CSMD2: variants seen among roughly 807,000 people sequenced by gnomAD.
CSMD2 encodes the protein CUB and Sushi multiple domains 2.
CSMD2 carries 130 observed loss-of-function variants against 398.5 expected under a neutral mutation model. The ratio of observed to expected loss-of-function variants is 0.33; its 90% CI spans 0.28 to 0.38. The LOEUF (loss-of-function observed/expected upper bound fraction) is 0.38, where lower values mean the gene tolerates loss of function less well. Ranked by LOEUF, CSMD2 falls within the 10% of genes least tolerant of loss-of-function variation. CSMD2 has a pLI of 1.00. For missense variants in CSMD2, 3,829 were observed against 4,764.9 expected (o/e 0.80, Z 5.78); for synonymous variants, 1,828 against 1,908.5 (o/e 0.96, Z 1.10).
At chr1:33,563,277 G>T (rs1466173362) in intron 53 of CSMD2, among the ~76,000 whole-genome samples, 1 of 152,058 alleles carries the variant, frequency 6.6e-6, no homozygotes, top group Non-Finnish European at 1.5e-5. Flanking sequence ...AAGGTCCATG[G>T]TAACATAGGA....
At chr1:34,088,839 A>G (rs1658221216) in intron 2 of CSMD2, 138 bp downstream of exon 2, 1 of 707,244 alleles carries the variant, frequency 1.4e-6, no homozygotes, top group Non-Finnish European at 2.5e-6. Flanking sequence ...GGAAAACCAG[A>G]GGGGTTGAGG....
rs201184871 is a variant in CSMD2 at position 33,698,526 on chromosome 1, G to C, written c.3925+227C>G. ...TCCCACTTGCTAAATGTGCGACAAAGGCAAGCCACCCGCCTGACTGCACTG... is the reference window on the plus strand; with the variant it reads ...TCCCACTTGCTAAATGTGCGACAAACGCAAGCCACCCGCCTGACTGCACTG... On this transcript the variant is annotated intron_variant, in intron 24 of 70. Transcript: ENST00000373381. 3.2e-4 allele frequency among the ~76,000 whole-genome samples: 49 copies of C among 152,322 alleles called. No individual in the cohort carries two copies. The East Asian group carries it at 4.6e-3, about 14-fold the overall frequency.
intron 13 of CSMD2, among the ~76,000 whole-genome samples, chr1:33,746,580 A>C (rs1647415963): frequency 6.6e-6 from 1 of 152,168 alleles, no homozygotes; most frequent in South Asian, 2.1e-4. Flanking sequence ...GCTATATATG[A>C]TAGCTCTGCT....
At chr1:33,654,437 A>G (rs572910238) in intron 27 of CSMD2, among the ~76,000 whole-genome samples, 71 of 152,186 alleles carry the variant, frequency 4.7e-4, no homozygotes, top group African/African-American at 1.6e-3. Flanking sequence ...TAGCCAGAGT[A>G]GAGGAGGCGT....
intron 5 of CSMD2, among the ~76,000 whole-genome samples, chr1:33,912,446 A>T (rs2125267936): frequency 6.7e-6 from 1 of 149,412 alleles, no homozygotes; most frequent in South Asian, 2.2e-4. Flanking sequence ...TGGCACTTCC[A>T]CTGGCCCCCA....
chr1:33,668,735 C>T (rs1205813112), intron 25 of CSMD2, among the ~76,000 whole-genome samples: 1 of 152,176 alleles, frequency 6.6e-6, no homozygotes, highest in African/African-American at 2.4e-5. Context: ...AAAGATCTTC[C>T]TTCCTATTGA....
chr1:34,164,743 T>G lies in CSMD2; in HGVS notation c.187+168A>C, dbSNP rs1641711669. Among the ~76,000 whole-genome samples the G allele has an allele frequency of 8.2e-6, 1 of 121,320 alleles. No individual in the cohort carries two copies. The allele number at this position is 121,320 out of a possible 152,430, so 79.6% of individuals were successfully genotyped here. A position where few individuals can be genotyped will look rare whatever the true frequency, so the allele number is the denominator to read the frequency against. ...GGTGAGGACGTGGCTGAGGGTGGGGTGGGAGACGGAGGCAGGGATGAGAAT... is the reference window on the plus strand; with the variant it reads ...GGTGAGGACGTGGCTGAGGGTGGGGGGGGAGACGGAGGCAGGGATGAGAAT... On this transcript the variant is annotated intron_variant, in intron 1 of 70. Transcript: ENST00000373381. This position sits in a 1 kb window ranked among gnomAD's most constrained non-coding sequence, Gnocchi z 6.2.
intron 2 of CSMD2, among the ~76,000 whole-genome samples, chr1:34,038,994 A>AC (rs959046933): frequency 6.6e-6 from 1 of 151,826 alleles, no homozygotes; most frequent in Non-Finnish European, 1.5e-5. Context: ...ACACTTTCTA[A>AC]CCCTTGGGAT....
intron 1 of CSMD2, among the ~76,000 whole-genome samples, chr1:34,104,609 G>A (rs562076107): frequency 1.1e-4 from 16 of 152,212 alleles, no homozygotes; most frequent in African/African-American, 2.7e-4. Flanking sequence ...GAAACACAGC[G>A]GGGAGCTGCA....
intron 3 of CSMD2, among the ~76,000 whole-genome samples, chr1:33,964,891 A>G (rs1175354894): frequency 6.6e-6 from 1 of 152,248 alleles, no homozygotes; most frequent in African/African-American, 2.4e-5. Flanking sequence ...GTCCTCGTTT[A>G]TGAAATGGTA....
At chr1:34,025,377 T>C (rs1296081443) in intron 3 of CSMD2, among the ~76,000 whole-genome samples, 1 of 152,106 alleles carries the variant, frequency 6.6e-6, no homozygotes, top group Non-Finnish European at 1.5e-5. Flanking sequence ...AAAATGAAGC[T>C]TGGATGAAAG....
At chr1:33,699,315 A>C (rs1645528752) in intron 23 of CSMD2, among the ~76,000 whole-genome samples, 1 of 152,248 alleles carries the variant, frequency 6.6e-6, no homozygotes, top group Admixed American at 6.5e-5. Flanking sequence ...ATGTATGTTT[A>C]AAAGCTGAGT....
intron 2 of CSMD2, among the ~76,000 whole-genome samples, chr1:34,041,143 C>A (rs1037315493): frequency 1.3e-5 from 2 of 151,964 alleles, no homozygotes; most frequent in Non-Finnish European, 2.9e-5. Flanking sequence ...ATAAATGGGC[C>A]ATTTATTTAT....
intron 10 of CSMD2, among the ~76,000 whole-genome samples, chr1:33,796,562 G>A (rs1654972259): frequency 6.6e-6 from 1 of 151,990 alleles, no homozygotes; most frequent in African/African-American, 2.4e-5. Flanking sequence ...TGTTATCTTT[G>A]TAAGCTGAGA....
rs1641982733 is a variant in CSMD2 at position 33,624,608 on chromosome 1, T to C, written c.5536A>G (p.Thr1846Ala). Residue 1846 changes from threonine to alanine, a missense_variant, in exon 35 of 71, where the codon ACC becomes GCC. Coordinates refer to ENST00000373381, the MANE Select transcript of CSMD2 (RefSeq NM_001281956.2). The surrounding 1 kb of genome is among the most constrained non-coding windows in gnomAD (Gnocchi z 4.7). The stretch of plus-strand genomic sequence containing the variant: ...TCTGGGAAGCCAGGGGACAGGATGG[T>C]GCCCCTGCGCTCTGTGAGGTTGCCT... ...CGGNLTERRG[T>A]ILSPGFPEPY... The C allele has an allele frequency of 1.2e-6, 2 of 1,613,768 alleles. No individual in the cohort carries two copies. Among genetic ancestry groups the C allele is most frequent in the African/African-American group, 1.3e-5 (1 of 74,920 alleles).
chr1:33,999,384 A>T (rs377497880), intron 3 of CSMD2, among the ~76,000 whole-genome samples: 51 of 151,740 alleles, frequency 3.4e-4, no homozygotes, highest in African/African-American at 6.5e-4. Context: ...CTTTTTAAAA[A>T]TTTTTTTTTA....
chr1:33,593,597 C>G (rs1639625803), intron 44 of CSMD2, among the ~76,000 whole-genome samples: 2 of 152,136 alleles, frequency 1.3e-5, no homozygotes, highest in African/African-American at 4.8e-5. Context: ...AGACCCACCC[C>G]CATAATTCAG....
intron 19 of CSMD2, among the ~76,000 whole-genome samples, chr1:33,720,544 T>C (rs1227978003): frequency 2.0e-5 from 3 of 152,212 alleles, no homozygotes; most frequent in Middle Eastern, 3.4e-3. Context: ...GAGAAGAACA[T>C]TGTACAAATG....
intron 5 of CSMD2, among the ~76,000 whole-genome samples, chr1:33,874,633 G>C (rs1004487524): frequency 7.9e-5 from 12 of 152,170 alleles, no homozygotes; most frequent in Non-Finnish European, 1.8e-4. Flanking sequence ...TAAGTACCTG[G>C]ATCTATCCCT....
Sources: allele counts gnomAD v4.1 joint callset (sites outside exome capture counted in the v4.1 genomes callset), GRCh38; gene constraint gnomAD v4.1.1; non-coding constraint Gnocchi (gnomAD v3.1); transcripts MANE v1.5; gene names NCBI Gene and HGNC (gene_info 2026-07-23, HGNC 2026-07-21).